Variants in DLGAP2 observed in about 807,000 individuals in gnomAD.
The protein encoded by DLGAP2 is DLG associated protein 2, also known as disks large-associated protein 2.
A neutral mutation model predicts 100.3 loss-of-function variants in DLGAP2; 26 were observed. The ratio of observed to expected loss-of-function variants is 0.26; its 90% CI spans 0.19 to 0.36. The LOEUF (loss-of-function observed/expected upper bound fraction) is 0.36. Among genes scored for constraint, DLGAP2 ranks in the 10% least tolerant of loss-of-function variants. The pLI, the probability that DLGAP2 is intolerant of heterozygous loss-of-function variation, is 1.00. For synonymous variants in DLGAP2, 886 were observed against 630.1 expected, an observed-to-expected ratio of 1.41 and a Z score of -6.08; for missense variants, 1,858 against 1,453.2, an observed-to-expected ratio of 1.28 and a Z score of -4.53.
chr8:746,891 C>T (rs573746445), intron 1 of DLGAP2, among the ~76,000 whole-genome samples: 5 of 152,194 alleles, frequency 3.3e-5, no homozygotes, highest in African/African-American at 4.8e-5. Flanking sequence ...GATGCGAGGA[C>T]GGTGCCCCTG....
chr8:874,665 G>T (rs1307737748), intron 1 of DLGAP2, among the ~76,000 whole-genome samples: 2 of 152,186 alleles, frequency 1.3e-5, no homozygotes, highest in Non-Finnish European at 2.9e-5. Flanking sequence ...ATGTGCATTT[G>T]AGAAGATCGT....
At chr8:1,206,884 G>A (rs1199145612) in intron 2 of DLGAP2, among the ~76,000 whole-genome samples, 5 of 152,054 alleles carry the variant, frequency 3.3e-5, no homozygotes, top group African/African-American at 1.2e-4. Context: ...ATCCATCCCT[G>A]TCCCCGGTCT....
intron 1 of DLGAP2, among the ~76,000 whole-genome samples, chr8:799,101 C>CA (rs1288068743): frequency 6.6e-6 from 1 of 152,238 alleles, no homozygotes; most frequent in African/African-American, 2.4e-5. Context: ...CACATGCTCA[C>CA]ACCAGCTGTG....
chr8:970,936 A>T (rs1461991677), intron 2 of DLGAP2, among the ~76,000 whole-genome samples: 1 of 152,218 alleles, frequency 6.6e-6, no homozygotes, highest in East Asian at 1.9e-4. Flanking sequence ...AATGTGCATT[A>T]TTTTCTGCTA....
chr8:927,337 A>G, intron 2 of DLGAP2: 1 of 718,184 alleles, frequency 1.4e-6, no homozygotes, highest in Non-Finnish European at 1.7e-6. Context: ...CAATGACTAA[A>G]AATGACCGTG....
At chr8:1,317,481 A>G (rs1413647544) in intron 3 of DLGAP2, among the ~76,000 whole-genome samples, 7 of 141,720 alleles carry the variant, frequency 4.9e-5, no homozygotes, top group African/African-American at 1.1e-4. Context: ...CGTCTCTCCA[A>G]CAGTGGTCTA....
intron 4 of DLGAP2, among the ~76,000 whole-genome samples, chr8:1,533,889 A>C (rs1004825680): frequency 9.9e-5 from 15 of 152,178 alleles, no homozygotes; most frequent in African/African-American, 3.6e-4. Flanking sequence ...CGGGAGTTTG[A>C]GGCGACAGTG....
chr8:879,816 T>C (rs1366046800), intron 1 of DLGAP2, among the ~76,000 whole-genome samples: 3 of 152,278 alleles, frequency 2.0e-5, no homozygotes, highest in Non-Finnish European at 2.9e-5. Flanking sequence ...AATAAAACCA[T>C]AGCAACAACA....
intron 7 of DLGAP2, among the ~76,000 whole-genome samples, chr8:1,630,297 A>AT (rs1797609941): frequency 6.6e-6 from 1 of 152,228 alleles, no homozygotes; most frequent in Non-Finnish European, 1.5e-5. Flanking sequence ...GAGACCTGAC[A>AT]ATTCTGGAAG....
intron 1 of DLGAP2, among the ~76,000 whole-genome samples, chr8:885,576 A>G (rs1445078974): frequency 4.6e-5 from 7 of 152,202 alleles, no homozygotes; most frequent in Non-Finnish European, 1.0e-4. Context: ...AAACAGAGAT[A>G]ACTTGACTTC....
At chr8:1,075,682 C>A (rs1266004592) in intron 2 of DLGAP2, among the ~76,000 whole-genome samples, 1 of 152,098 alleles carries the variant, frequency 6.6e-6, no homozygotes, top group Non-Finnish European at 1.5e-5. Context: ...TTTGTGGAAG[C>A]AGGAGGGCCC....
intron 3 of DLGAP2, among the ~76,000 whole-genome samples, chr8:1,331,583 T>A (rs1801159214): frequency 1.3e-5 from 2 of 152,244 alleles, no homozygotes; most frequent in African/African-American, 4.8e-5. Flanking sequence ...CGGTGTTTAA[T>A]AATATAATCC....
chr8:1,579,592 A>AATT (rs1803143381), intron 6 of DLGAP2, among the ~76,000 whole-genome samples: 1 of 152,264 alleles, frequency 6.6e-6, no homozygotes, highest in South Asian at 2.1e-4. Flanking sequence ...ACAAATCAAT[A>AATT]AAGAAAAAAA....
chr8:780,428 A>G (rs950622231), intron 1 of DLGAP2, among the ~76,000 whole-genome samples: 1 of 152,200 alleles, frequency 6.6e-6, no homozygotes, highest in African/African-American at 2.4e-5. Context: ...GTCCATTGTG[A>G]GTAGTGACTG....
intron 2 of DLGAP2, among the ~76,000 whole-genome samples, chr8:1,040,281 GCTCGGGTTCCGTGGTCA>G: frequency 6.7e-6 from 1 of 148,678 alleles, no homozygotes; most frequent in Non-Finnish European, 1.5e-5. Context: ...TGCGTGGTCA[GCTCGGGTTCCGTGGTCA>G]GCTCGGTGTG....
chr8:902,336 G>A (rs1317307275), intron 1 of DLGAP2, among the ~76,000 whole-genome samples: 1 of 151,536 alleles, frequency 6.6e-6, no homozygotes, highest in African/African-American at 2.4e-5. Context: ...GGGACACGCG[G>A]TCTTGCATTG....
intron 2 of DLGAP2, among the ~76,000 whole-genome samples, chr8:1,156,582 C>CCCCCAGCCCAGCA (rs1231560352): frequency 4.5e-5 from 6 of 133,092 alleles, no homozygotes; most frequent in African/African-American, 1.4e-4. Flanking sequence ...CCTGCTCAGC[C>CCCCCAGCCCAGCA]CCCCAGCCCA....
intron 3 of DLGAP2, among the ~76,000 whole-genome samples, chr8:1,353,461 C>G (rs183838316): frequency 3.9e-5 from 6 of 152,244 alleles, no homozygotes; most frequent in Admixed American, 1.3e-4. Context: ...GGCTTTGTGC[C>G]GGATGATCTT....
intron 2 of DLGAP2, among the ~76,000 whole-genome samples, chr8:1,069,330 C>T (rs888286062): frequency 2.1e-4 from 32 of 152,022 alleles, no homozygotes; most frequent in African/African-American, 7.3e-4. Context: ...GTCGGACAGA[C>T]CTGCGGCCCG....
Sources: allele counts gnomAD v4.1 joint callset (sites outside exome capture counted in the v4.1 genomes callset), GRCh38; gene constraint gnomAD v4.1.1; transcripts MANE v1.5; gene names NCBI Gene and HGNC (gene_info 2026-07-23, HGNC 2026-07-21).